The following ATP8A2 variants were observed in gnomAD, a reference collection of about 807,000 sequenced individuals.
ATP8A2 encodes ATPase phospholipid transporting 8A2, also known as phospholipid-transporting ATPase IB.
A neutral mutation model predicts 165.6 loss-of-function variants in ATP8A2; 100 were observed. That is an observed-to-expected ratio of 0.60 (90% CI 0.51 to 0.71). The LOEUF (loss-of-function observed/expected upper bound fraction) is 0.71. Among genes scored for constraint, ATP8A2 ranks in the 30% least tolerant of loss-of-function variants. ATP8A2 has a pLI of 0.00. For missense variants in ATP8A2, 1,227 were observed against 1,479.5 expected (o/e 0.83, Z 2.80); for synonymous variants, 543 against 548.8 (o/e 0.99, Z 0.15).
chr13:25,633,838 T>A (rs1346555103), intron 24 of ATP8A2, among the ~76,000 whole-genome samples: 4 of 151,998 alleles, frequency 2.6e-5, no homozygotes, highest in Non-Finnish European at 4.4e-5. Context: ...TAGCCAGGCA[T>A]AGTGGAATGT....
chr13:25,404,261 A>G (rs1242596843), intron 1 of ATP8A2, among the ~76,000 whole-genome samples: 1 of 152,174 alleles, frequency 6.6e-6, no homozygotes, highest in Non-Finnish European at 1.5e-5. Context: ...GACCAAAGCC[A>G]AGGTGACCAG....
At chr13:25,794,723 G>A (rs1452746606) in intron 27 of ATP8A2, among the ~76,000 whole-genome samples, 1 of 151,932 alleles carries the variant, frequency 6.6e-6, no homozygotes, top group Non-Finnish European at 1.5e-5. Flanking sequence ...ATATATTCCA[G>A]TAATTGCTTC....
At chr13:25,998,700 G>A (rs546527993) in intron 35 of ATP8A2, among the ~76,000 whole-genome samples, 5 of 152,318 alleles carry the variant, frequency 3.3e-5, no homozygotes, top group African/African-American at 1.2e-4. Flanking sequence ...TTAGAGGAAA[G>A]TTGGGTCCAG....
chr13:25,946,366 G>A (rs1356437017), intron 33 of ATP8A2, among the ~76,000 whole-genome samples: 2 of 152,162 alleles, frequency 1.3e-5, no homozygotes, highest in Admixed American at 1.3e-4. Context: ...TGCATGGAAG[G>A]CAAAACAACC....
chr13:25,579,761 A>C, intron 21 of ATP8A2, 47 bp from the exon 22 acceptor site: 1 of 1,604,284 alleles, frequency 6.2e-7, no homozygotes, highest in Non-Finnish European at 8.5e-7. Context: ...GTCCCCTAGG[A>C]GGTCACGCGT....
intron 29 of ATP8A2, among the ~76,000 whole-genome samples, chr13:25,837,650 C>T (rs1296659203): frequency 1.3e-5 from 2 of 152,138 alleles, no homozygotes; most frequent in Non-Finnish European, 2.9e-5. Context: ...ATCCCCCTTG[C>T]GTGGTCCTGC....
chr13:25,498,375 A>C (rs1039234626), intron 2 of ATP8A2, among the ~76,000 whole-genome samples: 4 of 152,212 alleles, frequency 2.6e-5, no homozygotes, highest in African/African-American at 9.7e-5. Context: ...TGCCTTATAA[A>C]GGGACTCGAG....
At chr13:26,005,558 A>G (rs1383297365) in intron 35 of ATP8A2, among the ~76,000 whole-genome samples, 2 of 152,044 alleles carry the variant, frequency 1.3e-5, no homozygotes, top group South Asian at 4.1e-4. Context: ...CTCTTTTGAT[A>G]TAGACATTTA....
intron 25 of ATP8A2, among the ~76,000 whole-genome samples, chr13:25,768,084 G>GA (rs1048606132): frequency 7.5e-6 from 1 of 133,414 alleles, no homozygotes. Context: ...CGTGGGGGGG[G>GA]GGTGGTGGGG....
At chr13:25,798,718 T>C (rs1458728311) in intron 27 of ATP8A2, among the ~76,000 whole-genome samples, 2 of 152,092 alleles carry the variant, frequency 1.3e-5, no homozygotes, top group Non-Finnish European at 1.5e-5. Flanking sequence ...AGATTCAAGC[T>C]CCAGTTGAAT....
At chr13:25,431,710 T>G (rs1178850155) in intron 1 of ATP8A2, among the ~76,000 whole-genome samples, 1 of 152,240 alleles carries the variant, frequency 6.6e-6, no homozygotes, top group Non-Finnish European at 1.5e-5. Context: ...ACCTCTTGAT[T>G]AAAATATAAG....
chr13:25,960,106 G>T (rs1163390397), intron 33 of ATP8A2, among the ~76,000 whole-genome samples: 1 of 152,236 alleles, frequency 6.6e-6, no homozygotes, highest in Non-Finnish European at 1.5e-5. Flanking sequence ...AGGCAGGAGG[G>T]CTGTGGTTAG....
rs2033608039 is a variant in ATP8A2, at chr13:25,400,650, C to T, written c.76+28362C>T. Among the ~76,000 whole-genome samples, 3 of 152,194 alleles carry T rather than the reference C, an allele frequency of 2.0e-5. No individual in the cohort carries two copies. In the South Asian group the frequency reaches 6.2e-4, roughly 32 times the overall value. Reference sequence around the variant, plus strand: ...ACTCCGGATTATTCTAATGCACATCCATTATGGTTCTGCACAGTAATACAT... The same window carrying T: ...ACTCCGGATTATTCTAATGCACATCTATTATGGTTCTGCACAGTAATACAT... On this transcript the variant is annotated intron_variant, in intron 1 of 36. Transcript: ENST00000381655.
chr13:25,916,811 G>A (rs1166107095), intron 33 of ATP8A2, among the ~76,000 whole-genome samples: 6 of 130,162 alleles, frequency 4.6e-5, no homozygotes, highest in Admixed American at 8.7e-5. Flanking sequence ...TTACACTGTG[G>A]TTGTATTTGT....
intron 35 of ATP8A2, among the ~76,000 whole-genome samples, chr13:25,998,364 A>C (rs1956560481): frequency 6.6e-6 from 1 of 152,130 alleles, no homozygotes. Flanking sequence ...GGAGAGCCTC[A>C]TAACAGTCTC....
intron 6 of ATP8A2, among the ~76,000 whole-genome samples, chr13:25,535,139 CA>C (rs2038235803): frequency 6.6e-6 from 1 of 152,138 alleles, no homozygotes; most frequent in African/African-American, 2.4e-5. Flanking sequence ...AAGGGTGAAT[CA>C]GGGGTAACTA....
intron 36 of ATP8A2, among the ~76,000 whole-genome samples, chr13:26,019,646 A>G (rs554757046): frequency 2.6e-4 from 39 of 152,282 alleles, no homozygotes; most frequent in African/African-American, 8.4e-4. Flanking sequence ...ACCTACCCTC[A>G]GAGGCTTTCC....
At position 25,955,099 on chromosome 13, in the gene ATP8A2, T is replaced by A. The variant is rs569522236; in HGVS notation, c.3184-6476T>A. 8.5e-5 allele frequency among the ~76,000 whole-genome samples: 13 copies of A among 152,214 alleles called. No individual in the cohort carries two copies. In the East Asian group the frequency reaches 2.5e-3, roughly 29 times the overall value. ...ATCCAATGCAAGGAAGCTAAGAACC[T>A]TGAAAAAAGGTTATAGGAATTGGTA... On this transcript the variant is annotated intron_variant, in intron 33 of 36. Coordinates refer to ENST00000381655, the MANE Select transcript of ATP8A2 (RefSeq NM_016529.6).
intron 2 of ATP8A2, among the ~76,000 whole-genome samples, chr13:25,505,363 TTC>T (rs924926296): frequency 6.6e-6 from 1 of 152,214 alleles, no homozygotes; most frequent in African/African-American, 2.4e-5. Context: ...GACCATTATT[TTC>T]TTTCTTGCTT....
Sources: allele counts gnomAD v4.1 joint callset (sites outside exome capture counted in the v4.1 genomes callset), GRCh38; gene constraint gnomAD v4.1.1; transcripts MANE v1.5; gene names NCBI Gene and HGNC (gene_info 2026-07-23, HGNC 2026-07-21).